Variants in ITGA9 observed in about 807,000 individuals in gnomAD.
ITGA9 encodes integrin alpha-9.
ITGA9 carries 56 observed loss-of-function variants against 127.8 expected under a neutral mutation model. That is an observed-to-expected ratio of 0.44 (90% CI 0.35 to 0.55). ITGA9 has a LOEUF of 0.55. Ranked by LOEUF, ITGA9 falls within the 20% of genes least tolerant of loss-of-function variation. The pLI, the probability that ITGA9 is intolerant of heterozygous loss-of-function variation, is 0.00. For synonymous variants in ITGA9, 508 were observed against 514.5 expected, an observed-to-expected ratio of 0.99 and a Z score of 0.17; for missense variants, 1,196 against 1,347.1, an observed-to-expected ratio of 0.89 and a Z score of 1.76.
rs763562916 is a variant in ITGA9 at position 37,542,552 on chromosome 3, G to A, written c.1656G>A (p.Glu552=). 4.3e-6 allele frequency: 7 copies of A among 1,614,178 alleles called. No homozygotes were observed. The Admixed American group carries it at 1.2e-4, about 27-fold the overall frequency. ...AGAAGCTGCAGCTGACTTACATGGA[G>A]GAGACGTGTCGTCACTATGTGGCCC... is the stretch of plus-strand genomic sequence containing the variant. ...VTEKLQLTYM[E]ETCRHYVAHV... is the part of the protein sequence containing the mutation. The change falls in exon 15 of 28, where the codon GAG becomes GAA. Residue 552 remains glutamate, a synonymous_variant. Transcript: ENST00000264741.
chr3:37,470,306 GT>G (rs1301933822), intron 1 of ITGA9, among the ~76,000 whole-genome samples: 1 of 152,152 alleles, frequency 6.6e-6, no homozygotes, highest in Non-Finnish European at 1.5e-5. Flanking sequence ...AGTTTTCCCA[GT>G]GGTTTTAATG....
intron 4 of ITGA9, among the ~76,000 whole-genome samples, chr3:37,488,046 T>G (rs1698628392): frequency 6.6e-6 from 1 of 152,202 alleles, no homozygotes; most frequent in Non-Finnish European, 1.5e-5. Flanking sequence ...AACATTTGGT[T>G]TCAGTATCTG....
At chr3:37,463,160 C>T (rs937582934) in intron 1 of ITGA9, among the ~76,000 whole-genome samples, 11 of 152,236 alleles carry the variant, frequency 7.2e-5, no homozygotes, top group Non-Finnish European at 1.6e-4. Context: ...TTGGACTTAG[C>T]GGGAATTAGT....
At chr3:37,805,399 G>A (rs1472116882) in intron 27 of ITGA9, among the ~76,000 whole-genome samples, 2 of 152,030 alleles carry the variant, frequency 1.3e-5, no homozygotes, top group Non-Finnish European at 2.9e-5. Flanking sequence ...TTTCCCTGAA[G>A]ACAGTACTGT....
At chr3:37,608,698 A>C (rs1459035827) in intron 15 of ITGA9, among the ~76,000 whole-genome samples, 3 of 152,194 alleles carry the variant, frequency 2.0e-5, no homozygotes, top group African/African-American at 7.2e-5. Flanking sequence ...CAGTGACATA[A>C]AGTTGAAGAC....
rs996514264 is a variant in ITGA9, at chr3:37,679,355, G to T, written c.1917-4510G>T. ...CTATTTCAGCAGGACTGTCAGAGAG[G>T]TTGGTCTTTGTGGAGTCCTGTTCCT... On this transcript the variant is annotated intron_variant, in intron 17 of 27. Coordinates refer to ENST00000264741, the MANE Select transcript of ITGA9 (RefSeq NM_002207.3). Among the ~76,000 whole-genome samples, 12 of 152,306 alleles carry T rather than the reference G, an allele frequency of 7.9e-5. No homozygotes were observed. The South Asian group carries it at 2.1e-3, about 26-fold the overall frequency.
intron 18 of ITGA9, among the ~76,000 whole-genome samples, chr3:37,710,786 G>A (rs143084678): frequency 4.7e-4 from 71 of 152,284 alleles, no homozygotes; most frequent in African/African-American, 1.7e-3. Context: ...TGGTGTCTCC[G>A]CAGCTTCCTG....
At chr3:37,686,560 A>C (rs1700784320) in intron 18 of ITGA9, among the ~76,000 whole-genome samples, 1 of 152,162 alleles carries the variant, frequency 6.6e-6, no homozygotes, top group Admixed American at 6.5e-5. Flanking sequence ...TGGCCATGGG[A>C]AAAATGGGAG....
intron 26 of ITGA9, chr3:37,790,391 C>A: frequency 2.1e-6 from 1 of 482,044 alleles, no homozygotes; most frequent in Non-Finnish European, 4.2e-6. Flanking sequence ...ATTTCCCATT[C>A]TGCTCGGTTC....
chr3:37,697,543 T>C (rs945666670), intron 18 of ITGA9, among the ~76,000 whole-genome samples: 5 of 151,644 alleles, frequency 3.3e-5, no homozygotes, highest in Admixed American at 1.3e-4. Context: ...TGTCCAAGTG[T>C]TCTCATTGTT....
At chr3:37,552,802 G>T (rs1699391320) in intron 15 of ITGA9, among the ~76,000 whole-genome samples, 1 of 152,112 alleles carries the variant, frequency 6.6e-6, no homozygotes, top group Non-Finnish European at 1.5e-5. Context: ...ACCATCTGAG[G>T]TCGGGAGTTC....
In ITGA9 at chr3:37,670,597, G is replaced by A. The variant is rs1700628328; in HGVS notation, c.1917-13268G>A. On this transcript the variant is annotated intron_variant, in intron 17 of 27. Transcript: ENST00000264741. Reference sequence around the variant, plus strand: ...GTCCCAAATAGAAATCACAGGTATTGTCAAATCAAGTTAGAGTTATTGCAG... The same window carrying A: ...GTCCCAAATAGAAATCACAGGTATTATCAAATCAAGTTAGAGTTATTGCAG... Among the ~76,000 whole-genome samples the A allele has an allele frequency of 2.0e-5, 3 of 152,200 alleles. No homozygotes were observed. In the South Asian group the frequency reaches 6.2e-4, roughly 32 times the overall value.
chr3:37,623,558 T>C (rs143483823), intron 15 of ITGA9, among the ~76,000 whole-genome samples: 2 of 152,336 alleles, frequency 1.3e-5, no homozygotes, highest in African/African-American at 4.8e-5. Context: ...TCTGAAGTCC[T>C]GGCTGTCTTG....
At chr3:37,748,354 G>A (rs1696533687) in intron 22 of ITGA9, 2 of 606,302 alleles carry the variant, frequency 3.3e-6, no homozygotes, top group Non-Finnish European at 6.2e-6. Flanking sequence ...ACAAGTTAAG[G>A]GCAAGATTCT....
At chr3:37,535,479 A>G (rs1172212702) in intron 14 of ITGA9, among the ~76,000 whole-genome samples, 3 of 152,292 alleles carry the variant, frequency 2.0e-5, no homozygotes, top group Non-Finnish European at 4.4e-5. Context: ...TGAGCCTTTC[A>G]CAGACTGCTA....
chr3:37,523,628 T>C lies in ITGA9; in HGVS notation c.1327+17T>C, dbSNP rs1327531009. Reference sequence around the variant, plus strand: ...GCTATCCTGGTAAGCTGTTTTTCTTTAAAGGCACATGAGATAAATGAAGAT... The same window carrying C: ...GCTATCCTGGTAAGCTGTTTTTCTTCAAAGGCACATGAGATAAATGAAGAT... On this transcript the variant is annotated intron_variant, in intron 12 of 27. Coordinates refer to ENST00000264741, the MANE Select transcript of ITGA9 (RefSeq NM_002207.3). 4.5e-6 allele frequency: 7 copies of C among 1,542,778 alleles called. No individual in the cohort carries two copies. The highest frequency in any genetic ancestry group is 1.4e-5 in the African/African-American group (1 of 73,256).
chr3:37,658,005 G>C (rs1275580175), intron 17 of ITGA9, among the ~76,000 whole-genome samples: 2 of 152,182 alleles, frequency 1.3e-5, no homozygotes, highest in East Asian at 1.9e-4. Context: ...GTGCAGTTTT[G>C]AGTGAGTTTC....
chr3:37,459,790 T>A (rs1190664323), intron 1 of ITGA9, among the ~76,000 whole-genome samples: 2 of 152,256 alleles, frequency 1.3e-5, no homozygotes, highest in Non-Finnish European at 2.9e-5. Flanking sequence ...CTCAAACATC[T>A]GTCTTGTGAA....
At chr3:37,598,893 G>T (rs1699892277) in intron 15 of ITGA9, among the ~76,000 whole-genome samples, 1 of 152,108 alleles carries the variant, frequency 6.6e-6, no homozygotes, top group Non-Finnish European at 1.5e-5. Flanking sequence ...GGGTTTGTGG[G>T]GAGGGCTGCA....
Sources: allele counts gnomAD v4.1 joint callset (sites outside exome capture counted in the v4.1 genomes callset), GRCh38; gene constraint gnomAD v4.1.1; transcripts MANE v1.5; gene names NCBI Gene and HGNC (gene_info 2026-07-23, HGNC 2026-07-21).